Variants in FSTL4 observed in about 807,000 individuals in gnomAD.
FSTL4 encodes follistatin-related protein 4.
Under a neutral mutation model 78.2 loss-of-function variants are expected in FSTL4, and 28 were observed. The ratio of observed to expected loss-of-function variants is 0.36; its 90% CI spans 0.27 to 0.49. The LOEUF is 0.49. Ranked by LOEUF, FSTL4 falls within the 20% of genes least tolerant of loss-of-function variation. The pLI is 0.98. For synonymous variants in FSTL4, 422 were observed against 440.5 expected (o/e 0.96, Z 0.53); for missense variants, 922 against 1,084.9 (o/e 0.85, Z 2.11).
At chr5:133,285,575 T>C (rs1446435891) in intron 6 of FSTL4, among the ~76,000 whole-genome samples, 1 of 152,236 alleles carries the variant, frequency 6.6e-6, no homozygotes, top group African/African-American at 2.4e-5. Flanking sequence ...ATGATTTCCC[T>C]GTTTCCTCCA....
chr5:133,654,207 A>G, the FSTL4 span, among the ~76,000 whole-genome samples: 3 of 152,250 alleles, frequency 2.0e-5, no homozygotes, highest in African/African-American at 7.2e-5. Context: ...CGGTGAAACC[A>G]GAGTGCTTCA....
intron 6 of FSTL4, among the ~76,000 whole-genome samples, chr5:133,305,144 C>A (rs1314654029): frequency 6.6e-6 from 1 of 152,240 alleles, no homozygotes; most frequent in African/African-American, 2.4e-5. Flanking sequence ...ACAGTCATCA[C>A]CGGAGGCCTT....
chr5:133,336,879 C>T (rs1258319694), intron 4 of FSTL4, among the ~76,000 whole-genome samples: 1 of 152,160 alleles, frequency 6.6e-6, no homozygotes, highest in East Asian at 1.9e-4. Flanking sequence ...TTTCCATGAC[C>T]ACACTGTGTA....
chr5:133,688,115 T>C, the FSTL4 span, among the ~76,000 whole-genome samples: 9,409 of 152,190 alleles, frequency 0.062, 965 homozygotes, highest in African/African-American at 0.21. Flanking sequence ...CAACTAAAAA[T>C]TGGTGGTTCT....
chr5:133,349,291 C>CTGTG (rs1192644109), intron 4 of FSTL4, among the ~76,000 whole-genome samples: 27 of 96,792 alleles, frequency 2.8e-4, no homozygotes, highest in African/African-American at 1.0e-3. Context: ...GAAAGCCTCT[C>CTGTG]TCTCTGTGTG....
intron 3 of FSTL4, among the ~76,000 whole-genome samples, chr5:133,472,540 G>A (rs1232227808): frequency 6.6e-6 from 1 of 152,204 alleles, no homozygotes; most frequent in African/African-American, 2.4e-5. Context: ...GAAGGCAATT[G>A]ATGGAGGGTA....
the FSTL4 span, among the ~76,000 whole-genome samples, chr5:133,688,220 C>T: frequency 6.6e-6 from 1 of 152,056 alleles, no homozygotes; most frequent in African/African-American, 2.4e-5. Flanking sequence ...ACCAGCCTGG[C>T]CAATACAGTA....
the FSTL4 span, among the ~76,000 whole-genome samples, chr5:133,715,111 T>G: frequency 6.6e-6 from 1 of 152,382 alleles, no homozygotes; most frequent in Non-Finnish European, 1.5e-5. Flanking sequence ...GAAAATGCTC[T>G]GAAAACTTGT....
chr5:133,474,908 G>A (rs184612460), intron 3 of FSTL4, among the ~76,000 whole-genome samples: 1 of 152,326 alleles, frequency 6.6e-6, no homozygotes, highest in Admixed American at 6.5e-5. Flanking sequence ...CAACACCCAT[G>A]GGGGAACTCA....
At chr5:133,512,834 T>C (rs531440099) in intron 3 of FSTL4, among the ~76,000 whole-genome samples, 8 of 152,226 alleles carry the variant, frequency 5.3e-5, no homozygotes, top group African/African-American at 1.9e-4. Flanking sequence ...CTTTTTTTTT[T>C]TGAGACAGTT....
rs375899195 is a variant in FSTL4, at chr5:133,412,724, C to T, written c.161-11738G>A. Among the ~76,000 whole-genome samples, 8 of 152,200 alleles carry T rather than the reference C, an allele frequency of 5.3e-5. No individual in the cohort carries two copies. The East Asian group carries it at 9.6e-4, about 18-fold the overall frequency. On this transcript the variant is annotated intron_variant, in intron 3 of 15. Coordinates refer to ENST00000265342, the MANE Select transcript of FSTL4 (RefSeq NM_015082.2). The stretch of plus-strand genomic sequence containing the variant: ...TTGCCACACAGAGACCGTCATTAGC[C>T]TGAATTTTGTGTTTATCATTCTTTT...
chr5:133,261,766 G>A lies in FSTL4; in HGVS notation c.728-12190C>T, dbSNP rs531390724. Among the ~76,000 whole-genome samples the A allele has an allele frequency of 6.6e-5, 10 of 152,212 alleles. No individual in the cohort carries two copies. The South Asian group carries it at 1.2e-3, about 19-fold the overall frequency. On this transcript the variant is annotated intron_variant, in intron 6 of 15. Coordinates refer to ENST00000265342, the MANE Select transcript of FSTL4 (RefSeq NM_015082.2). The stretch of plus-strand genomic sequence containing the variant: ...AGCACTTTGGGAGGCTGAGGCAGGC[G>A]GATCACTTGAGCTCAGGAGTTCAAG...
At chr5:133,836,004 C>T in the FSTL4 span, among the ~76,000 whole-genome samples, 20 of 152,136 alleles carry the variant, frequency 1.3e-4, no homozygotes, top group African/African-American at 3.6e-4. Flanking sequence ...ATTGTGCCTC[C>T]GATTAATATT....
At chr5:133,788,956 C>A in the FSTL4 span, among the ~76,000 whole-genome samples, 1 of 152,188 alleles carries the variant, frequency 6.6e-6, no homozygotes, top group African/African-American at 2.4e-5. Flanking sequence ...CAGAAACATC[C>A]ACTCCTCCAA....
intron 3 of FSTL4, among the ~76,000 whole-genome samples, chr5:133,550,693 G>C (rs529578501): frequency 6.6e-6 from 1 of 152,168 alleles, no homozygotes; most frequent in Admixed American, 6.5e-5. Flanking sequence ...AATATAACCA[G>C]TACATTGGAT....
the FSTL4 span, among the ~76,000 whole-genome samples, chr5:133,793,964 C>G: frequency 2.0e-5 from 3 of 152,190 alleles, no homozygotes; most frequent in Non-Finnish European, 4.4e-5. Context: ...GAGGAATTCC[C>G]TGAGAAGCCA....
intron 6 of FSTL4, among the ~76,000 whole-genome samples, chr5:133,267,298 G>A (rs1052448822): frequency 6.6e-6 from 1 of 152,212 alleles, no homozygotes; most frequent in Non-Finnish European, 1.5e-5. Flanking sequence ...GGGGCTGTGA[G>A]GGCCTGTCCC....
At chr5:133,738,118 C>T in the FSTL4 span, among the ~76,000 whole-genome samples, 7 of 152,074 alleles carry the variant, frequency 4.6e-5, no homozygotes, top group Admixed American at 3.3e-4. Flanking sequence ...TGTCTTCATC[C>T]GTGGCTCCCA....
the FSTL4 span, among the ~76,000 whole-genome samples, chr5:133,646,276 G>T: frequency 2.0e-5 from 3 of 152,168 alleles, no homozygotes; most frequent in Non-Finnish European, 4.4e-5. Flanking sequence ...TCAGGGAAAA[G>T]TGTCAAGGCA....
Sources: allele counts gnomAD v4.1 joint callset (sites outside exome capture counted in the v4.1 genomes callset), GRCh38; gene constraint gnomAD v4.1.1; transcripts MANE v1.5; gene names NCBI Gene and HGNC (gene_info 2026-07-23, HGNC 2026-07-21).